HS3ST5: variants seen among roughly 807,000 people sequenced by gnomAD.
HS3ST5 encodes the protein heparan sulfate-glucosamine 3-sulfotransferase 5.
A neutral mutation model predicts 25.4 loss-of-function variants in HS3ST5; 10 were observed. The observed-to-expected ratio is 0.39, with a 90% confidence interval of 0.24 to 0.67. The LOEUF (loss-of-function observed/expected upper bound fraction) is 0.67. Among genes scored for constraint, HS3ST5 ranks in the 30% least tolerant of loss-of-function variants. The pLI is 0.44. For missense variants in HS3ST5, 324 were observed against 420.7 expected (o/e 0.77, Z 2.01); for synonymous variants, 170 against 162.4 (o/e 1.05, Z -0.36).
intron 3 of HS3ST5, among the ~76,000 whole-genome samples, chr6:114,110,827 A>G (rs1776230152): frequency 6.6e-6 from 1 of 152,240 alleles, no homozygotes; most frequent in Admixed American, 6.5e-5. Flanking sequence ...AGTGGCTTCA[A>G]TTAGTTTGAC....
At chr6:114,089,332 A>G (rs774609272) in intron 3 of HS3ST5, among the ~76,000 whole-genome samples, 7 of 152,102 alleles carry the variant, frequency 4.6e-5, no homozygotes, top group Non-Finnish European at 8.8e-5. Flanking sequence ...TTTTTGAATG[A>G]CCCTCTCCAA....
chr6:114,114,266 C>T (rs1409589030), intron 3 of HS3ST5, among the ~76,000 whole-genome samples: 1 of 152,158 alleles, frequency 6.6e-6, no homozygotes, highest in Admixed American at 6.6e-5. Context: ...TCTTGCCTCA[C>T]TGAGGCCTTC....
chr6:114,175,524 G>A (rs1779683974), intron 2 of HS3ST5, among the ~76,000 whole-genome samples: 1 of 152,050 alleles, frequency 6.6e-6, no homozygotes, highest in Non-Finnish European at 1.5e-5. Context: ...CATTTATTAA[G>A]AATACCCAAA....
At chr6:114,340,515 C>T (rs1776784203) in intron 1 of HS3ST5, 1 of 152,164 alleles carries the variant, frequency 6.6e-6, no homozygotes, top group Non-Finnish European at 1.5e-5. Context: ...TCTTGTGTCT[C>T]CATCAGTTCA....
intron 1 of HS3ST5, among the ~76,000 whole-genome samples, chr6:114,282,791 C>A (rs989687356): frequency 6.6e-6 from 1 of 151,994 alleles, no homozygotes. Flanking sequence ...TTTTACATAG[C>A]TAGACAACAA....
chr6:114,252,968 G>C (rs1772733378), intron 1 of HS3ST5, among the ~76,000 whole-genome samples: 1 of 152,042 alleles, frequency 6.6e-6, no homozygotes, highest in South Asian at 2.1e-4. Context: ...AATTGCTTGA[G>C]CCCAGGAATT....
intron 3 of HS3ST5, among the ~76,000 whole-genome samples, chr6:114,066,688 G>A (rs1257255995): frequency 6.6e-6 from 1 of 152,004 alleles, no homozygotes; most frequent in Non-Finnish European, 1.5e-5. Context: ...AAGTTATAAA[G>A]CTTATCGTTT....
chr6:114,278,077 C>T lies in HS3ST5; in HGVS notation c.-338-49299G>A, dbSNP rs972431576. Among the ~76,000 whole-genome samples the T allele has an allele frequency of 2.0e-5, 3 of 151,886 alleles. No individual in the cohort carries two copies. The East Asian group carries it at 5.8e-4, about 30-fold the overall frequency. On this transcript the variant is annotated intron_variant, in intron 1 of 4. Transcript: ENST00000312719. ...AGAAACAATAGGTGATTAAACACTG[C>T]CACTCATGACTGACAGCTGCTTCCT...
intron 1 of HS3ST5, among the ~76,000 whole-genome samples, chr6:114,261,890 T>C (rs981628639): frequency 2.6e-5 from 4 of 152,194 alleles, no homozygotes; most frequent in Non-Finnish European, 5.9e-5. Flanking sequence ...ACAGGCATGA[T>C]GCTGAATGAG....
intron 3 of HS3ST5, chr6:114,084,758 G>A (rs1386221227): frequency 3.9e-6 from 3 of 777,256 alleles, no homozygotes; most frequent in African/African-American, 3.4e-5. Flanking sequence ...GCCAGCAATT[G>A]GAGTGGCTCC....
rs1778947740 is a variant in HS3ST5, at chr6:114,161,521, T to TCATATATA, written c.-33+6829_-33+6830insTATATATG. Reference sequence around the variant, plus strand: ...AAAACGACAGTTGCTTCCTGAAGTTTTATATATATATATATATATATATAT... The same window carrying TCATATATA: ...AAAACGACAGTTGCTTCCTGAAGTTTCATATATATATATATATATATATATATATATAT... On this transcript the variant is annotated intron_variant, in intron 3 of 4. Coordinates refer to ENST00000312719, the MANE Select transcript of HS3ST5 (RefSeq NM_153612.4). Among the ~76,000 whole-genome samples the TCATATATA allele has an allele frequency of 3.0e-4, 10 of 33,540 alleles. No individual in the cohort carries two copies. The South Asian group carries it at 7.9e-3, about 27-fold the overall frequency. 22.0% of individuals were successfully genotyped at this position (33,540 alleles called of 152,430 possible).
intron 2 of HS3ST5, among the ~76,000 whole-genome samples, chr6:114,212,468 A>G (rs1454877600): frequency 2.0e-5 from 3 of 152,192 alleles, no homozygotes; most frequent in Non-Finnish European, 4.4e-5. Context: ...CATATTCTAT[A>G]GATCCTGGTG....
At chr6:114,290,836 A>G (rs1562265644) in intron 1 of HS3ST5, among the ~76,000 whole-genome samples, 1 of 150,496 alleles carries the variant, frequency 6.6e-6, no homozygotes, top group African/African-American at 2.4e-5. Context: ...TTGTGTTACT[A>G]TTTTTTTTTT....
Position 114,143,404 on chromosome 6 carries a change from C to T in HS3ST5, c.-33+24947G>A, listed in dbSNP as rs570426849. ...CACTATATATAACCATTGTCTAATT[C>T]CTCTTCTGGATTTGTGTTCTTTTTA... On this transcript the variant is annotated intron_variant, in intron 3 of 4. Coordinates refer to ENST00000312719, the MANE Select transcript of HS3ST5 (RefSeq NM_153612.4). Among the ~76,000 whole-genome samples, 34 of 152,280 alleles carry T rather than the reference C, an allele frequency of 2.2e-4. 1 individual carries two copies. The South Asian group carries it at 7.1e-3, about 32-fold the overall frequency.
chr6:114,165,695 C>G (rs1224407901), intron 3 of HS3ST5, among the ~76,000 whole-genome samples: 1 of 152,162 alleles, frequency 6.6e-6, no homozygotes, highest in Non-Finnish European at 1.5e-5. Context: ...GCGCTCACTT[C>G]ACCCCCATGA....
chr6:114,126,107 C>T (rs1777024835), intron 3 of HS3ST5, among the ~76,000 whole-genome samples: 1 of 152,096 alleles, frequency 6.6e-6, no homozygotes, highest in African/African-American at 2.4e-5. Context: ...CCTTAGGGCG[C>T]TCAGTAAGAA....
At chr6:114,238,470 G>A (rs1356599663) in intron 1 of HS3ST5, among the ~76,000 whole-genome samples, 1 of 152,128 alleles carries the variant, frequency 6.6e-6, no homozygotes, top group Non-Finnish European at 1.5e-5. Context: ...TTTTTTGTGT[G>A]TCTTTAAAAA....
intron 2 of HS3ST5, among the ~76,000 whole-genome samples, chr6:114,175,573 G>A (rs1779685987): frequency 6.6e-6 from 1 of 152,128 alleles, no homozygotes; most frequent in Admixed American, 6.5e-5. Flanking sequence ...TTTCACAAAT[G>A]CCTTTGGCTA....
intron 1 of HS3ST5, among the ~76,000 whole-genome samples, chr6:114,321,214 T>TA (rs1422744794): frequency 6.6e-6 from 1 of 152,098 alleles, no homozygotes; most frequent in Non-Finnish European, 1.5e-5. Flanking sequence ...ATTAAAAATA[T>TA]AAAAATACCT....
Sources: gnomAD v4.1 joint callset for allele counts (sites outside exome capture counted in the v4.1 genomes callset) on GRCh38, gnomAD v4.1.1 for gene constraint, MANE v1.5 for transcripts, NCBI Gene and HGNC (gene_info 2026-07-23, HGNC 2026-07-21) for gene names.